The following SGCZ variants were observed in gnomAD, a reference collection of about 807,000 sequenced individuals.
SGCZ encodes the protein sarcoglycan zeta.
A neutral mutation model predicts 41.3 loss-of-function variants in SGCZ; 40 were observed. That is an observed-to-expected ratio of 0.97 (90% CI 0.75 to 1.26). The LOEUF is 1.26. Among genes scored for constraint, SGCZ ranks in the 50% most tolerant of loss-of-function variants. The pLI is 0.00. For missense variants in SGCZ, 552 were observed against 369.8 expected (o/e 1.49, Z -4.04); for synonymous variants, 206 against 137.5 (o/e 1.50, Z -3.49).
intron 1 of SGCZ, among the ~76,000 whole-genome samples, chr8:14,951,260 A>G (rs531537473): frequency 5.9e-5 from 9 of 152,134 alleles, no homozygotes; most frequent in Admixed American, 1.3e-4. Flanking sequence ...AATTCATAGA[A>G]ACTGGTTAGG....
At chr8:14,620,378 G>C (rs191746801) in intron 1 of SGCZ, among the ~76,000 whole-genome samples, 2 of 152,278 alleles carry the variant, frequency 1.3e-5, no homozygotes, top group South Asian at 4.2e-4. Flanking sequence ...CATAGGCATG[G>C]AGAAGGACTT....
intron 2 of SGCZ, among the ~76,000 whole-genome samples, chr8:14,329,635 C>T (rs11203598): frequency 0.2 from 30,509 of 151,998 alleles, 3,778 homozygotes; most frequent in Non-Finnish European, 0.29. Context: ...GGGTATAGAT[C>T]TGTGTCCTCC....
intron 3 of SGCZ, among the ~76,000 whole-genome samples, chr8:14,305,274 T>C (rs1435885479): frequency 6.6e-6 from 1 of 152,168 alleles, no homozygotes; most frequent in Non-Finnish European, 1.5e-5. Flanking sequence ...GCATGACAGA[T>C]GCCTTACAAT....
At chr8:14,835,682 T>G (rs529969088) in intron 1 of SGCZ, among the ~76,000 whole-genome samples, 2 of 152,224 alleles carry the variant, frequency 1.3e-5, no homozygotes, top group Admixed American at 6.5e-5. Flanking sequence ...TTTGCTGCGC[T>G]TTAGCCAATC....
intron 1 of SGCZ, among the ~76,000 whole-genome samples, chr8:15,032,540 C>G (rs575475330): frequency 3.4e-4 from 51 of 152,236 alleles, no homozygotes; most frequent in Non-Finnish European, 6.0e-4. Context: ...CAGGTCCACC[C>G]TGGTAGACCT....
intron 1 of SGCZ, among the ~76,000 whole-genome samples, chr8:15,143,671 C>T (rs1430048443): frequency 6.6e-6 from 1 of 152,154 alleles, no homozygotes; most frequent in Admixed American, 6.5e-5. Context: ...AACCCATCTC[C>T]TTGGGGCTCA....
At chr8:14,383,947 A>ATTTTCTTTT (rs1259668707) in intron 2 of SGCZ, among the ~76,000 whole-genome samples, 6 of 151,436 alleles carry the variant, frequency 4.0e-5, no homozygotes, top group African/African-American at 1.5e-4. Flanking sequence ...AATATTTTGA[A>ATTTTCTTTT]TTTTCTTTTT....
intron 2 of SGCZ, among the ~76,000 whole-genome samples, chr8:14,500,277 T>A (rs1251978119): frequency 6.6e-6 from 1 of 152,012 alleles, no homozygotes; most frequent in Non-Finnish European, 1.5e-5. Context: ...CCTGCTTTTG[T>A]TGTTGTTGTT....
chr8:14,153,173 G>T, intron 5 of SGCZ, among the ~76,000 whole-genome samples: 1 of 152,290 alleles, frequency 6.6e-6, no homozygotes, highest in East Asian at 1.9e-4. Context: ...AAAACTAGGT[G>T]AATGTTGCAG....
At chr8:14,239,901 C>CAAAAAAAA (rs71209029) in intron 3 of SGCZ, among the ~76,000 whole-genome samples, 7 of 41,368 alleles carry the variant, frequency 1.7e-4, no homozygotes, top group African/African-American at 1.4e-3. Context: ...GACTCCGTCT[C>CAAAAAAAA]AAAAAAAAAA....
chr8:14,113,037 C>T (rs1391756909), intron 5 of SGCZ, among the ~76,000 whole-genome samples: 6 of 152,214 alleles, frequency 3.9e-5, no homozygotes, highest in Middle Eastern at 3.4e-3. Flanking sequence ...ACATATACTA[C>T]ATCTCCTATT....
At chr8:14,990,528 G>A (rs1801975609) in intron 1 of SGCZ, among the ~76,000 whole-genome samples, 1 of 151,882 alleles carries the variant, frequency 6.6e-6, no homozygotes, top group Non-Finnish European at 1.5e-5. Context: ...AGCATGCAAG[G>A]GATCTAGGTT....
At chr8:15,072,383 C>A (rs1355299015) in intron 1 of SGCZ, among the ~76,000 whole-genome samples, 2 of 152,146 alleles carry the variant, frequency 1.3e-5, no homozygotes, top group South Asian at 2.1e-4. Context: ...CAACAAAAAA[C>A]CCCAGCACAT....
At chr8:14,325,127 C>A (rs1802048396) in intron 2 of SGCZ, among the ~76,000 whole-genome samples, 1 of 152,114 alleles carries the variant, frequency 6.6e-6, no homozygotes. Flanking sequence ...AAGGTTCTTA[C>A]ATAGTTCAAT....
At chr8:14,589,197 C>T (rs7000816) in intron 1 of SGCZ, among the ~76,000 whole-genome samples, 2,414 of 151,692 alleles carry the variant, frequency 0.016, 68 homozygotes, top group African/African-American at 0.055. Flanking sequence ...ATAAAAAAAA[C>T]GAGCTGGGTG....
chr8:15,171,552 G>A (rs529238929), intron 1 of SGCZ, among the ~76,000 whole-genome samples: 1 of 152,190 alleles, frequency 6.6e-6, no homozygotes. Flanking sequence ...TTTAGCTGGA[G>A]ATCCAACTGG....
At chr8:14,164,545 A>G (rs1468951062) in intron 5 of SGCZ, 35 bp downstream of exon 5, 3 of 1,611,482 alleles carry the variant, frequency 1.9e-6, no homozygotes, top group African/African-American at 1.3e-5. Flanking sequence ...TCTTTAAAGA[A>G]GTAAACAATT....
At chr8:14,182,466 C>T (rs765613709) in intron 4 of SGCZ, among the ~76,000 whole-genome samples, 2 of 152,114 alleles carry the variant, frequency 1.3e-5, no homozygotes, top group Non-Finnish European at 2.9e-5. Context: ...GTCCTGTTGC[C>T]ATCCAGGAGT....
chr8:15,156,240 G>A (rs771727225), intron 1 of SGCZ, among the ~76,000 whole-genome samples: 1 of 152,056 alleles, frequency 6.6e-6, no homozygotes, highest in Non-Finnish European at 1.5e-5. Context: ...CAGACTATGA[G>A]TCCTGAAAGA....
Sources: gnomAD v4.1 joint callset for allele counts (sites outside exome capture counted in the v4.1 genomes callset) on GRCh38, gnomAD v4.1.1 for gene constraint, MANE v1.5 for transcripts, NCBI Gene and HGNC (gene_info 2026-07-23, HGNC 2026-07-21) for gene names.